PCDHA4: variants seen among roughly 807,000 people sequenced by gnomAD.
PCDHA4 encodes protocadherin alpha 4.
Under a neutral mutation model 61.4 loss-of-function variants are expected in PCDHA4, and 49 were observed. The ratio of observed to expected loss-of-function variants is 0.80; its 90% CI spans 0.63 to 1.01. The LOEUF is 1.01. Ranked by LOEUF, PCDHA4 falls within the 50% of genes least tolerant of loss-of-function variation. PCDHA4 has a pLI of 0.00. For synonymous variants in PCDHA4, 590 were observed against 550.3 expected (o/e 1.07, Z -1.01); for missense variants, 1,254 against 1,235.8 (o/e 1.01, Z -0.22).
At chr5:140,835,876 G>T in intron 1 of PCDHA4, 3 of 1,611,976 alleles carry the variant, frequency 1.9e-6, no homozygotes, top group Non-Finnish European at 2.5e-6. Flanking sequence ...GTGGAGCTGC[G>T]GGTGGGCGAG....
At chr5:140,918,560 G>A (rs1243205653) in intron 1 of PCDHA4, among the ~76,000 whole-genome samples, 1 of 152,180 alleles carries the variant, frequency 6.6e-6, no homozygotes, top group Non-Finnish European at 1.5e-5. Context: ...TGAGAAGAAT[G>A]TATATTATGC....
chr5:141,006,504 C>T (rs911793343), intron 3 of PCDHA4, among the ~76,000 whole-genome samples: 4 of 152,022 alleles, frequency 2.6e-5, no homozygotes, highest in East Asian at 1.9e-4. Flanking sequence ...TGAGCCACCG[C>T]GCCTGGCTGT....
chr5:140,913,138 T>C (rs1367874502), intron 1 of PCDHA4, among the ~76,000 whole-genome samples: 1 of 152,204 alleles, frequency 6.6e-6, no homozygotes, highest in East Asian at 1.9e-4. Flanking sequence ...CTCTACTTTT[T>C]GGAATAGTTT....
At chr5:140,866,196 T>C (rs1176237600) in intron 1 of PCDHA4, 3 of 152,160 alleles carry the variant, frequency 2.0e-5, no homozygotes, top group African/African-American at 7.2e-5. Context: ...AACTGTGGTT[T>C]CCAATATCCT....
intron 3 of PCDHA4, among the ~76,000 whole-genome samples, chr5:140,992,926 A>C (rs2097533873): frequency 6.6e-6 from 1 of 152,226 alleles, no homozygotes; most frequent in African/African-American, 2.4e-5. Context: ...CCATACTTAC[A>C]GCAGCTCTGA....
chr5:140,834,258 C>T, intron 1 of PCDHA4: 2 of 940,106 alleles, frequency 2.1e-6, no homozygotes, highest in Non-Finnish European at 3.2e-6. Context: ...AAAGACGCTC[C>T]ACTCTCTTTC....
chr5:140,855,609 T>C (rs1471221233), intron 1 of PCDHA4, among the ~76,000 whole-genome samples: 1 of 149,748 alleles, frequency 6.7e-6, no homozygotes, highest in African/African-American at 2.5e-5. Flanking sequence ...TATGCAAATA[T>C]TAAGGGCATT....
chr5:140,850,319 A>C (rs2150479368), intron 1 of PCDHA4: 1 of 1,597,562 alleles, frequency 6.3e-7, no homozygotes, highest in East Asian at 2.2e-5. Flanking sequence ...CGTGGCTTTC[A>C]TACGAGCTGC....
At chr5:140,870,073 A>G in intron 1 of PCDHA4, 1 of 1,613,872 alleles carries the variant, frequency 6.2e-7, no homozygotes. Flanking sequence ...GGCTACAGAT[A>G]AGGGGACTCC....
At chr5:140,969,145 C>T (rs782791096) in intron 1 of PCDHA4, 1 of 1,614,168 alleles carries the variant, frequency 6.2e-7, no homozygotes, top group South Asian at 1.1e-5. Context: ...CCTACTGCTA[C>T]AAGGCCTGTC....
At chr5:140,867,729 A>C (rs1274161997) in intron 1 of PCDHA4, 1 of 152,106 alleles carries the variant, frequency 6.6e-6, no homozygotes, top group Non-Finnish European at 1.5e-5. Context: ...AAAGACAAAG[A>C]AAATTCAAGC....
chr5:140,854,041 AG>A (rs2042955652), intron 1 of PCDHA4: 1 of 283,480 alleles, frequency 3.5e-6, no homozygotes, highest in Non-Finnish European at 5.5e-6. Flanking sequence ...ACACATCTCT[AG>A]TCCCAATTAC....
chr5:140,868,581 A>G (rs1554162109), intron 1 of PCDHA4: 1 of 152,846 alleles, frequency 6.5e-6, no homozygotes, highest in African/African-American at 2.4e-5. Flanking sequence ...ACTTTCAGGA[A>G]ATGTTTAACC....
Position 140,807,699 on chromosome 5 carries a change from G to A in PCDHA4, c.512G>A (p.Arg171Lys), listed in dbSNP as rs1267301172. ...DIGENALLTY[R>K]LSPNEYFSLE... ...GGGGAGAACGCCCTGCTCACTTACAGACTGAGCCCAAATGAATACTTTTCT... is the reference window on the plus strand; with the variant it reads ...GGGGAGAACGCCCTGCTCACTTACAAACTGAGCCCAAATGAATACTTTTCT... Residue 171 changes from arginine to lysine, a missense_variant, in exon 1 of 4, where the codon AGA (arginine) becomes AAA (lysine). By Grantham distance (26) the Arg-to-Lys change is conservative. Coordinates refer to ENST00000530339, the MANE Select transcript of PCDHA4 (RefSeq NM_018907.4). The A allele has an allele frequency of 6.2e-7, 1 of 1,614,214 alleles. No individual in the cohort carries two copies. Among genetic ancestry groups the A allele is most frequent in the East Asian group, 2.2e-5 (1 of 44,888 alleles).
At chr5:140,949,405 AC>A (rs1554218939) in intron 1 of PCDHA4, among the ~76,000 whole-genome samples, 1 of 151,820 alleles carries the variant, frequency 6.6e-6, no homozygotes, top group African/African-American at 2.4e-5. Flanking sequence ...GTTAAAAATC[AC>A]CTATCATCAT....
At chr5:140,931,539 T>C (rs1339633476) in intron 1 of PCDHA4, among the ~76,000 whole-genome samples, 1 of 152,056 alleles carries the variant, frequency 6.6e-6, no homozygotes, top group Non-Finnish European at 1.5e-5. Context: ...AGAGATATAC[T>C]GTTCATATGT....
chr5:140,871,185 T>C (rs782235765), intron 1 of PCDHA4: 1 of 1,613,600 alleles, frequency 6.2e-7, no homozygotes, highest in Admixed American at 1.7e-5. Flanking sequence ...CGCTGGTGGA[T>C]GTCAACGTGT....
chr5:140,942,391 G>A (rs901640537), intron 1 of PCDHA4, among the ~76,000 whole-genome samples: 1 of 151,546 alleles, frequency 6.6e-6, no homozygotes, highest in Non-Finnish European at 1.5e-5. Context: ...CAGCCTGGGC[G>A]ACAGATGAGA....
intron 1 of PCDHA4, chr5:140,823,645 G>C: frequency 6.2e-7 from 1 of 1,614,010 alleles, no homozygotes; most frequent in Middle Eastern, 1.7e-4. Flanking sequence ...GTTCCGCGTG[G>C]GGCTGTACAC....
Sources: gnomAD v4.1 joint callset for allele counts (sites outside exome capture counted in the v4.1 genomes callset) on GRCh38, gnomAD v4.1.1 for gene constraint, MANE v1.5 for transcripts, NCBI Gene and HGNC (gene_info 2026-07-23, HGNC 2026-07-21) for gene names.